TTC3: variants seen among roughly 807,000 people sequenced by gnomAD.
TTC3 encodes the protein E3 ubiquitin-protein ligase TTC3.
Under a neutral mutation model 249.6 loss-of-function variants are expected in TTC3, and 180 were observed. The ratio of observed to expected loss-of-function variants is 0.72; its 90% CI spans 0.64 to 0.82. TTC3 has a LOEUF of 0.82. Ranked by LOEUF, TTC3 falls within the 40% of genes least tolerant of loss-of-function variation. The pLI is 0.00. For missense variants in TTC3, 2,061 were observed against 2,398.4 expected (o/e 0.86, Z 2.94); for synonymous variants, 717 against 805.0 (o/e 0.89, Z 1.85).
intron 20 of TTC3, 129 bp downstream of exon 20, chr21:37,140,802 T>A (rs1192186236): frequency 1.8e-6 from 1 of 558,540 alleles, no homozygotes; most frequent in Admixed American, 4.2e-5. Context: ...TGTGATTTAC[T>A]TTGAGGACCT....
At chr21:37,181,538 G>A (rs1280595072) in intron 35 of TTC3, among the ~76,000 whole-genome samples, 1 of 152,232 alleles carries the variant, frequency 6.6e-6, no homozygotes, top group African/African-American at 2.4e-5. Flanking sequence ...GATCAACAAG[G>A]TTGCAGCTAA....
rs370348094 is a variant in TTC3 at position 37,141,583 on chromosome 21, T to C, written c.1772+910T>C. ...AGGAGTTTGAGACCAGCCTGACCAA[T>C]ATGTTGAAACCCTGTCTGTACTAAA... On this transcript the variant is annotated intron_variant, in intron 20 of 45. Coordinates refer to ENST00000355666, the Ensembl canonical transcript of TTC3. 8.3e-4 allele frequency among the ~76,000 whole-genome samples: 127 copies of C among 152,136 alleles called. 2 individuals carry two copies. The South Asian group carries it at 0.025, about 30-fold the overall frequency.
intron 1 of TTC3, chr21:37,082,503 A>G: frequency 1.0e-6 from 1 of 985,316 alleles, no homozygotes; most frequent in Non-Finnish European, 1.2e-6. Flanking sequence ...GGAGCCAGAA[A>G]GTTTAGCTGG....
At chr21:37,093,911 C>A in intron 7 of TTC3, 94 bp from the exon 8 acceptor site, 1 of 741,960 alleles carries the variant, frequency 1.3e-6, no homozygotes, top group Non-Finnish European at 2.3e-6. Context: ...CCGTTGTGGA[C>A]TCACCTAACT....
At chr21:37,114,933 C>G (rs1041056833) in intron 11 of TTC3, among the ~76,000 whole-genome samples, 3 of 151,768 alleles carry the variant, frequency 2.0e-5, no homozygotes, top group African/African-American at 7.3e-5. Context: ...GTTGCAGGGA[C>G]AAAAAACCAA....
In TTC3 at chr21:37,201,545, C is replaced by T; in HGVS notation, c.6049C>T (p.Gln2017Ter). The change falls in exon 46 of 46, where the codon CAG (glutamine) becomes TAG (stop). Residue 2017 changes from glutamine (Q) to a stop codon, truncating the protein, a stop_gained. Transcript: ENST00000355666. LOFTEE classifies it high-confidence loss of function. ...TGGAAGAGGCTGGCCCAGTCAGAATCAGGAGCTGCCTTCCTGCTCTTCTAG... is the reference window on the plus strand; with the variant it reads ...TGGAAGAGGCTGGCCCAGTCAGAATTAGGAGCTGCCTTCCTGCTCTTCTAG... 1 of 1,613,990 alleles carries T rather than the reference C, an allele frequency of 6.2e-7. No homozygotes were observed. Among genetic ancestry groups the T allele is most frequent in the Non-Finnish European group, 8.5e-7 (1 of 1,180,038 alleles).
intron 17 of TTC3, among the ~76,000 whole-genome samples, chr21:37,133,663 C>T (rs1283306756): frequency 6.6e-6 from 1 of 152,180 alleles, no homozygotes; most frequent in Non-Finnish European, 1.5e-5. Flanking sequence ...TCGGCCTGCT[C>T]TGCTGGAGCT....
At chr21:37,155,892 C>T in intron 27 of TTC3, among the ~76,000 whole-genome samples, 1 of 152,162 alleles carries the variant, frequency 6.6e-6, no homozygotes, top group East Asian at 1.9e-4. Flanking sequence ...TGGGTTTACC[C>T]ATTTCCTCTT....
chr21:37,200,102 T>G, intron 44 of TTC3, 130 bp from the exon 45 acceptor site: 1 of 636,424 alleles, frequency 1.6e-6, no homozygotes, highest in Non-Finnish European at 2.6e-6. Context: ...CTCAGACTGT[T>G]TAGCTGTAAT....
At chr21:37,087,508 G>C (rs1483004323) in intron 2 of TTC3, 107 bp downstream of exon 2, 16 of 1,353,474 alleles carry the variant, frequency 1.2e-5, no homozygotes, top group Admixed American at 8.3e-5. Context: ...TTTTGACAGG[G>C]AGGTACACAT....
chr21:37,111,183 G>A (rs1011768647), intron 11 of TTC3, among the ~76,000 whole-genome samples: 2 of 152,114 alleles, frequency 1.3e-5, no homozygotes, highest in African/African-American at 2.4e-5. Flanking sequence ...CATAATGACA[G>A]GATCAAATTC....
At chr21:37,116,688 G>A (rs2147845358) in intron 11 of TTC3, among the ~76,000 whole-genome samples, 1 of 152,010 alleles carries the variant, frequency 6.6e-6, no homozygotes, top group South Asian at 2.1e-4. Flanking sequence ...GTGCATTCCT[G>A]TCTAGCTACT....
rs571342583 is a variant in TTC3, at chr21:37,134,629, G to A, written c.1444-751G>A. Among the ~76,000 whole-genome samples the A allele has an allele frequency of 7.4e-4, 112 of 152,252 alleles. 1 individual carries two copies. Among genetic ancestry groups the A allele is most frequent in the African/African-American group, 2.3e-3 (94 of 41,550 alleles). ...GCACACGTGTATAGCAAGGAGTGAGGAGATTTTAGGCTTAATGTCTAGCCT... is the reference window on the plus strand; with the variant it reads ...GCACACGTGTATAGCAAGGAGTGAGAAGATTTTAGGCTTAATGTCTAGCCT... On this transcript the variant is annotated intron_variant, in intron 17 of 45. Transcript: ENST00000355666.
intron 15 of TTC3, among the ~76,000 whole-genome samples, chr21:37,127,941 G>A (rs571208599): frequency 6.6e-6 from 1 of 152,178 alleles, no homozygotes; most frequent in South Asian, 2.1e-4. Context: ...CTTTTTTTTG[G>A]AAGATAGCTT....
rs529350889 is a variant in TTC3 at position 37,074,163 on chromosome 21, AG to A, written c.-12+805del. Among the ~76,000 whole-genome samples, 10 of 152,152 alleles carry A rather than the reference AG, an allele frequency of 6.6e-5. No individual in the cohort carries two copies. In the South Asian group the frequency reaches 1.2e-3, roughly 19 times the overall value. ...CCTGTCCCCACGGAACGGACCCAGG[AG>A]GGGGGTAACCTCGCCGCTCCCCTCG... On this transcript the variant is annotated intron_variant, in intron 1 of 45. Transcript: ENST00000355666.
intron 7 of TTC3, among the ~76,000 whole-genome samples, chr21:37,092,990 T>C (rs919843974): frequency 6.6e-6 from 1 of 152,172 alleles, no homozygotes; most frequent in Admixed American, 6.5e-5. Flanking sequence ...ATAAAAACTT[T>C]TGAAAGTATT....
At chr21:37,144,574 C>G in exon 21 of TTC3, 1 of 1,612,202 alleles carries the variant, frequency 6.2e-7, no homozygotes, top group Non-Finnish European at 8.5e-7. Context: ...CTTGATTTAT[C>G]GTCTTCCTGG....
chr21:37,121,722 A>G (rs2147867960), intron 11 of TTC3, 95 bp from the exon 12 acceptor site: 2 of 1,178,100 alleles, frequency 1.7e-6, no homozygotes, highest in East Asian at 5.3e-5. Context: ...ATTTTAAGTA[A>G]TGAATCAGTT....
Position 37,144,760 on chromosome 21 carries a change from C to T in TTC3, c.1893+115C>T, listed in dbSNP as rs972117116. ...ATTCCATCCCCACCTCCCTTACACG[C>T]ATTTCCCCTCTACTGTCTAATGAGA... On this transcript the variant is annotated intron_variant, in intron 21 of 45. Coordinates refer to ENST00000355666, the Ensembl canonical transcript of TTC3. 60 of 1,237,582 alleles carry T rather than the reference C, an allele frequency of 4.8e-5. 1 individual carries two copies. The highest frequency in any genetic ancestry group is 6.5e-5 in the Non-Finnish European group (59 of 903,438). 76.7% of individuals were successfully genotyped at this position (1,237,582 alleles called of 1,614,324 possible). A position where few individuals can be genotyped will look rare whatever the true frequency, so the allele number is the denominator to read the frequency against.
Sources: gnomAD v4.1 joint callset for allele counts (sites outside exome capture counted in the v4.1 genomes callset) on GRCh38, gnomAD v4.1.1 for gene constraint, MANE v1.5 for transcripts, NCBI Gene and HGNC (gene_info 2026-07-23, HGNC 2026-07-21) for gene names.